CFAP299: variants seen among roughly 807,000 people sequenced by gnomAD.
CFAP299 encodes cilia- and flagella-associated protein 299.
Under a neutral mutation model 27.0 loss-of-function variants are expected in CFAP299, and 21 were observed. That is an observed-to-expected ratio of 0.78 (90% CI 0.55 to 1.12). The LOEUF (loss-of-function observed/expected upper bound fraction) is 1.12, where lower values mean the gene tolerates loss of function less well. CFAP299 is among the 50% of genes most tolerant of loss of function. The pLI is 0.00. For synonymous variants in CFAP299, 104 were observed against 98.1 expected (o/e 1.06, Z -0.36); for missense variants, 310 against 276.6 (o/e 1.12, Z -0.86).
intron 2 of CFAP299, among the ~76,000 whole-genome samples, chr4:80,463,994 T>C (rs1729585763): frequency 1.3e-5 from 2 of 152,196 alleles, no homozygotes; most frequent in African/African-American, 4.8e-5. Context: ...TAAATAGAAA[T>C]GCATAAAAGT....
intron 2 of CFAP299, among the ~76,000 whole-genome samples, chr4:80,558,342 TTTTGTTTG>T (rs969100017): frequency 9.0e-5 from 13 of 144,456 alleles, no homozygotes; most frequent in African/African-American, 3.1e-4. Flanking sequence ...TTTGTGGTTT[TTTTGTTTG>T]TTTGTTTGTT....
At chr4:80,660,681 C>G (rs1740797349) in intron 3 of CFAP299, among the ~76,000 whole-genome samples, 1 of 152,074 alleles carries the variant, frequency 6.6e-6, no homozygotes, top group Non-Finnish European at 1.5e-5. Context: ...AGGGTGGTGC[C>G]ATTTGCCAAG....
intron 2 of CFAP299, among the ~76,000 whole-genome samples, chr4:80,498,652 G>A (rs1731580770): frequency 6.6e-6 from 1 of 152,082 alleles, no homozygotes; most frequent in Non-Finnish European, 1.5e-5. Flanking sequence ...GTGGTAATAT[G>A]AATTAGTTCA....
intron 3 of CFAP299, among the ~76,000 whole-genome samples, chr4:80,696,390 TA>T (rs1721095958): frequency 6.6e-6 from 1 of 151,534 alleles, no homozygotes; most frequent in African/African-American, 2.4e-5. Context: ...GACAGGAAAA[TA>T]AGTTATGTTT....
At chr4:80,526,175 T>G (rs1578554735) in intron 2 of CFAP299, among the ~76,000 whole-genome samples, 1 of 152,122 alleles carries the variant, frequency 6.6e-6, no homozygotes, top group East Asian at 1.9e-4. Flanking sequence ...CTTGCTCTGG[T>G]CTCTCAAGGC....
chr4:80,795,628 G>C (rs1053236480), intron 3 of CFAP299, among the ~76,000 whole-genome samples: 4 of 152,130 alleles, frequency 2.6e-5, no homozygotes, highest in African/African-American at 4.8e-5. Flanking sequence ...CGTGTAAGTT[G>C]CTTGTGCCTT....
intron 3 of CFAP299, among the ~76,000 whole-genome samples, chr4:80,713,641 G>C (rs1231211026): frequency 1.3e-5 from 2 of 152,154 alleles, no homozygotes; most frequent in Non-Finnish European, 2.9e-5. Context: ...TTGTAAGTGA[G>C]GTGCTTTTAT....
intron 3 of CFAP299, among the ~76,000 whole-genome samples, chr4:80,800,603 TA>T (rs1355724631): frequency 5.2e-5 from 5 of 96,538 alleles, no homozygotes; most frequent in African/African-American, 1.8e-4. Flanking sequence ...TATATTAATA[TA>T]AATATATAAT....
intron 3 of CFAP299, among the ~76,000 whole-genome samples, chr4:80,621,467 C>A (rs1322448219): frequency 6.6e-6 from 1 of 151,980 alleles, no homozygotes. Context: ...AATCTCTCAT[C>A]CCATTCTTTG....
At chr4:80,393,826 T>C (rs1725628133) in intron 2 of CFAP299, among the ~76,000 whole-genome samples, 1 of 152,134 alleles carries the variant, frequency 6.6e-6, no homozygotes, top group African/African-American at 2.4e-5. Flanking sequence ...TATGTTGATA[T>C]GGTTTGGCTC....
upstream of CFAP299, among the ~76,000 whole-genome samples, chr4:80,331,375 G>A (rs190312337): frequency 6.6e-6 from 1 of 152,302 alleles, no homozygotes; most frequent in East Asian, 1.9e-4. Flanking sequence ...AAGAGGCCTG[G>A]TGAGATCCGT....
chr4:80,774,557 C>CA (rs1174659516), intron 3 of CFAP299, among the ~76,000 whole-genome samples: 1 of 151,814 alleles, frequency 6.6e-6, no homozygotes, highest in Non-Finnish European at 1.5e-5. Context: ...TAGAAGTGGT[C>CA]AATAAATGTG....
intron 3 of CFAP299, among the ~76,000 whole-genome samples, chr4:80,797,409 T>C (rs937687821): frequency 2.6e-5 from 4 of 152,126 alleles, no homozygotes; most frequent in Non-Finnish European, 5.9e-5. Context: ...ACAAATTAAA[T>C]AGGAATGGAA....
Position 80,549,758 on chromosome 4 carries a change from A to G in CFAP299, c.243-33335A>G, listed in dbSNP as rs142921539. Among the ~76,000 whole-genome samples, 370 of 152,226 alleles carry G rather than the reference A, an allele frequency of 2.4e-3. 3 individuals carry two copies. The highest frequency in any genetic ancestry group is 8.3e-3 in the African/African-American group (344 of 41,576). ...CATATTAAATACTGTATTTGAATGAATTCTTTTTTTATTCGATTGAGCATA... is the reference window on the plus strand; with the variant it reads ...CATATTAAATACTGTATTTGAATGAGTTCTTTTTTTATTCGATTGAGCATA... On this transcript the variant is annotated intron_variant, in intron 2 of 5. Coordinates refer to ENST00000358105, the MANE Select transcript of CFAP299 (RefSeq NM_152770.3).
intron 3 of CFAP299, among the ~76,000 whole-genome samples, chr4:80,857,825 T>C (rs1310853959): frequency 6.6e-6 from 1 of 152,220 alleles, no homozygotes; most frequent in Non-Finnish European, 1.5e-5. Flanking sequence ...TTATTGAGGA[T>C]TTTTGCATCA....
intron 2 of CFAP299, chr4:80,387,202 C>A: frequency 7.3e-7 from 1 of 1,371,100 alleles, no homozygotes; most frequent in Non-Finnish European, 1.0e-6. Context: ...AGTACTGGTG[C>A]ACGCTCAGGT....
intron 4 of CFAP299, among the ~76,000 whole-genome samples, chr4:80,920,708 C>T (rs1665437667): frequency 6.6e-6 from 1 of 152,112 alleles, no homozygotes; most frequent in African/African-American, 2.4e-5. Context: ...TCTCAGTGAC[C>T]ACTTCCTGCA....
At chr4:80,631,791 A>G (rs1048923054) in intron 3 of CFAP299, among the ~76,000 whole-genome samples, 1 of 136,872 alleles carries the variant, frequency 7.3e-6, no homozygotes, top group African/African-American at 2.5e-5. Context: ...GGAAAATCTG[A>G]TTATTTTCTC....
intron 3 of CFAP299, among the ~76,000 whole-genome samples, chr4:80,719,162 A>AAG (rs1722670404): frequency 6.6e-6 from 1 of 152,154 alleles, no homozygotes; most frequent in African/African-American, 2.4e-5. Context: ...GTGGAAGGGA[A>AAG]AGGATCAGAA....
Sources: gnomAD v4.1 joint callset for allele counts (sites outside exome capture counted in the v4.1 genomes callset) on GRCh38, gnomAD v4.1.1 for gene constraint, MANE v1.5 for transcripts, NCBI Gene and HGNC (gene_info 2026-07-23, HGNC 2026-07-21) for gene names.